FHIT: variants seen among roughly 807,000 people sequenced by gnomAD.
FHIT encodes the protein fragile histidine triad diadenosine triphosphatase.
Under a neutral mutation model 17.9 loss-of-function variants are expected in FHIT, and 19 were observed. The observed-to-expected ratio is 1.06, with a 90% CI of 0.74 to 1.56. The LOEUF is 1.56. Among genes scored for constraint, FHIT ranks in the 40% most tolerant of loss-of-function variants. FHIT has a pLI of 0.00. For synonymous variants in FHIT, 81 were observed against 69.7 expected (o/e 1.16, Z -0.81); for missense variants, 248 against 189.2 (o/e 1.31, Z -1.82).
chr3:60,760,601 GAAAAGTTTCTCT>G (rs141606657), intron 4 of FHIT, among the ~76,000 whole-genome samples: 33,734 of 151,968 alleles, frequency 0.22, 4,376 homozygotes, highest in Non-Finnish European at 0.28. Context: ...AGCTTAAAAC[GAAAAGTTTCTCT>G]ACTTAGCCCA....
At chr3:60,200,026 C>A (rs1702825703) in intron 5 of FHIT, among the ~76,000 whole-genome samples, 1 of 152,034 alleles carries the variant, frequency 6.6e-6, no homozygotes, top group Non-Finnish European at 1.5e-5. Flanking sequence ...CTTTACTAAC[C>A]CACTGTGTGA....
chr3:60,375,384 C>G (rs941128237), intron 5 of FHIT, among the ~76,000 whole-genome samples: 5 of 138,914 alleles, frequency 3.6e-5, no homozygotes, highest in Non-Finnish European at 6.2e-5. Flanking sequence ...CCCTGGGCAA[C>G]AAGGAAAAAC....
At chr3:60,282,609 C>T (rs1707513829) in intron 5 of FHIT, among the ~76,000 whole-genome samples, 1 of 151,928 alleles carries the variant, frequency 6.6e-6, no homozygotes, top group African/African-American at 2.4e-5. Flanking sequence ...TCATTAACTT[C>T]AGTAATAAAT....
intron 3 of FHIT, among the ~76,000 whole-genome samples, chr3:60,967,585 T>C (rs1460085846): frequency 6.6e-6 from 1 of 152,174 alleles, no homozygotes; most frequent in African/African-American, 2.4e-5. Context: ...GGAGTGCAAG[T>C]ATAGGGGATT....
chr3:60,732,218 T>C (rs140297613), intron 4 of FHIT: 7 of 829,924 alleles, frequency 8.4e-6, no homozygotes, highest in Admixed American at 1.7e-5. Context: ...AAGTGTTCCA[T>C]GGCCTCCATG....
chr3:60,747,552 T>C (rs1469803825), intron 4 of FHIT, among the ~76,000 whole-genome samples: 1 of 152,166 alleles, frequency 6.6e-6, no homozygotes, highest in Non-Finnish European at 1.5e-5. Flanking sequence ...TTAGTAAAGA[T>C]AGAACATTTT....
intron 2 of FHIT, among the ~76,000 whole-genome samples, chr3:61,129,963 G>C (rs977320973): frequency 6.6e-6 from 1 of 152,082 alleles, no homozygotes; most frequent in African/African-American, 2.4e-5. Context: ...AAATGAGATA[G>C]TATCACATCA....
intron 3 of FHIT, among the ~76,000 whole-genome samples, chr3:60,895,382 ATG>A (rs367727736): frequency 7.2e-5 from 11 of 152,282 alleles, no homozygotes; most frequent in African/African-American, 2.4e-4. Flanking sequence ...ACCTCACTGT[ATG>A]TGTGTGTATG....
chr3:60,628,961 TCTC>T (rs1553681743), intron 4 of FHIT, among the ~76,000 whole-genome samples: 1 of 71,398 alleles, frequency 1.4e-5, no homozygotes, highest in Non-Finnish European at 3.3e-5. Context: ...AGCTTGCCTC[TCTC>T]AGCATAGAAT....
chr3:60,277,788 TC>T (rs1177897927), intron 5 of FHIT, among the ~76,000 whole-genome samples: 1 of 152,096 alleles, frequency 6.6e-6, no homozygotes, highest in Non-Finnish European at 1.5e-5. Flanking sequence ...AATCCTCAGC[TC>T]CCAAACTCAC....
chr3:60,173,915 A>ATATATTT, intron 5 of FHIT, among the ~76,000 whole-genome samples: 1 of 66,440 alleles, frequency 1.5e-5, no homozygotes, highest in Admixed American at 2.1e-4. Flanking sequence ...ATATATATAT[A>ATATATTT]TGTTTTTTTT....
chr3:60,294,417 G>T (rs1490014495), intron 5 of FHIT, among the ~76,000 whole-genome samples: 2 of 152,150 alleles, frequency 1.3e-5, no homozygotes, highest in African/African-American at 2.4e-5. Flanking sequence ...TGAAGAACGT[G>T]ACCAAGGTCA....
chr3:61,141,644 G>A (rs1434556576), intron 2 of FHIT, among the ~76,000 whole-genome samples: 1 of 151,456 alleles, frequency 6.6e-6, no homozygotes, highest in Non-Finnish European at 1.5e-5. Context: ...GCCTGAGTGG[G>A]TTGGGTTGAG....
intron 5 of FHIT, among the ~76,000 whole-genome samples, chr3:60,089,466 T>C (rs1040336): frequency 0.21 from 32,022 of 151,890 alleles, 4,004 homozygotes; most frequent in East Asian, 0.51. Context: ...AATATGCATA[T>C]AGTATGATGG....
intron 3 of FHIT, among the ~76,000 whole-genome samples, chr3:60,956,686 G>C (rs1709178759): frequency 1.3e-5 from 2 of 152,166 alleles, no homozygotes; most frequent in Admixed American, 6.5e-5. Context: ...ACAGGGGCCA[G>C]GCAGGTAATT....
intron 5 of FHIT, among the ~76,000 whole-genome samples, chr3:60,069,967 G>A (rs1427665463): frequency 1.3e-5 from 2 of 152,054 alleles, no homozygotes; most frequent in Non-Finnish European, 2.9e-5. Context: ...AGTTTTGCTG[G>A]TCCTTCAGTT....
intron 3 of FHIT, among the ~76,000 whole-genome samples, chr3:61,017,853 G>T (rs568328947): frequency 7.9e-5 from 12 of 152,240 alleles, no homozygotes; most frequent in Middle Eastern, 6.8e-3. Flanking sequence ...CACAGAAGTG[G>T]CTAAAGAGAA....
chr3:60,414,774 T>C (rs547020920), intron 5 of FHIT, among the ~76,000 whole-genome samples: 1 of 152,194 alleles, frequency 6.6e-6, no homozygotes, highest in Non-Finnish European at 1.5e-5. Context: ...CTGTTAATAG[T>C]AGAAGATGTG....
intron 2 of FHIT, among the ~76,000 whole-genome samples, chr3:61,131,838 T>C (rs1421115919): frequency 2.6e-4 from 40 of 152,214 alleles, no homozygotes; most frequent in Non-Finnish European, 2.4e-4. Context: ...CCAGTCTTCC[T>C]TCCTTGGTGT....
Sources: allele counts gnomAD v4.1 joint callset (sites outside exome capture counted in the v4.1 genomes callset), GRCh38; gene constraint gnomAD v4.1.1; transcripts MANE v1.5; gene names NCBI Gene and HGNC (gene_info 2026-07-23, HGNC 2026-07-21).